Variants in RNF180 observed in about 807,000 individuals in gnomAD.
The protein encoded by RNF180 is E3 ubiquitin-protein ligase RNF180.
A neutral mutation model predicts 59.2 loss-of-function variants in RNF180; 38 were observed. The ratio of observed to expected loss-of-function variants is 0.64; its 90% CI spans 0.50 to 0.84. RNF180 has a LOEUF of 0.84. Among genes scored for constraint, RNF180 ranks in the 40% least tolerant of loss-of-function variants. The probability of loss-of-function intolerance (pLI) is 0.00; values close to 1 mark genes in which losing one functional copy is unlikely to be tolerated. For synonymous variants in RNF180, 262 were observed against 240.3 expected (o/e 1.09, Z -0.84); for missense variants, 705 against 700.9 (o/e 1.01, Z -0.07).
At chr5:64,329,399 A>C (rs1333277453) in intron 6 of RNF180, among the ~76,000 whole-genome samples, 1 of 151,728 alleles carries the variant, frequency 6.6e-6, no homozygotes, top group African/African-American at 2.4e-5. Flanking sequence ...TGGTTTCAGG[A>C]TGAAACTTTT....
chr5:64,236,209 G>C (rs1019290197), intron 5 of RNF180, among the ~76,000 whole-genome samples: 1 of 152,230 alleles, frequency 6.6e-6, no homozygotes, highest in Non-Finnish European at 1.5e-5. Context: ...GGCTAAGGCT[G>C]AGTTGGTCTC....
chr5:64,322,844 AG>A (rs1744440772), intron 5 of RNF180, among the ~76,000 whole-genome samples: 1 of 152,092 alleles, frequency 6.6e-6, no homozygotes, highest in South Asian at 2.1e-4. Flanking sequence ...CCAGGGGGAA[AG>A]GGGGAAGGGA....
intron 1 of RNF180, among the ~76,000 whole-genome samples, chr5:64,182,888 A>G (rs149645428): frequency 1.3e-5 from 2 of 152,326 alleles, no homozygotes; most frequent in East Asian, 3.9e-4. Flanking sequence ...TAGAATGGCT[A>G]AAGGAGAGTA....
chr5:64,213,026 A>C (rs1006819849), intron 3 of RNF180, among the ~76,000 whole-genome samples: 1 of 152,208 alleles, frequency 6.6e-6, no homozygotes, highest in African/African-American at 2.4e-5. Context: ...GTTCATTATT[A>C]ATTTCCAATC....
intron 5 of RNF180, among the ~76,000 whole-genome samples, chr5:64,316,460 A>G (rs910130149): frequency 1.3e-5 from 2 of 152,202 alleles, no homozygotes; most frequent in African/African-American, 4.8e-5. Flanking sequence ...GCTTAATTGC[A>G]GAGGACAATG....
At chr5:64,322,602 C>CATGTGT (rs3221373) in intron 5 of RNF180, among the ~76,000 whole-genome samples, 2 of 143,428 alleles carry the variant, frequency 1.4e-5, no homozygotes, top group Admixed American at 7.0e-5. Context: ...TATATATATA[C>CATGTGT]GTGTGTGTGT....
At chr5:64,234,390 C>T (rs999741206) in intron 5 of RNF180, among the ~76,000 whole-genome samples, 3 of 151,522 alleles carry the variant, frequency 2.0e-5, no homozygotes, top group Admixed American at 6.6e-5. Flanking sequence ...CGCGTGAACC[C>T]GGGAGGCAGA....
At chr5:64,179,606 G>A (rs1750458416) in intron 1 of RNF180, among the ~76,000 whole-genome samples, 1 of 151,808 alleles carries the variant, frequency 6.6e-6, no homozygotes, top group South Asian at 2.1e-4. Flanking sequence ...ACTTTTCATT[G>A]CTATATAGTA....
At chr5:64,256,685 G>A (rs933087698) in intron 5 of RNF180, among the ~76,000 whole-genome samples, 1 of 152,142 alleles carries the variant, frequency 6.6e-6, no homozygotes, top group African/African-American at 2.4e-5. Context: ...GGCAATGTGG[G>A]CTCTTTTTTG....
At chr5:64,330,485 CAG>C (rs758127942) in intron 7 of RNF180, 79 bp downstream of exon 7, 10 of 1,275,574 alleles carry the variant, frequency 7.8e-6, no homozygotes, top group Non-Finnish European at 1.1e-5. Context: ...CCTGCTGTCT[CAG>C]AAATATTAGG....
intron 1 of RNF180, among the ~76,000 whole-genome samples, chr5:64,186,291 A>G (rs1750871432): frequency 6.6e-6 from 1 of 152,144 alleles, no homozygotes; most frequent in South Asian, 2.1e-4. Flanking sequence ...GGCAAATCAG[A>G]CAAATACTTA....
intron 5 of RNF180, among the ~76,000 whole-genome samples, chr5:64,272,589 GA>G (rs950905132): frequency 6.6e-6 from 1 of 151,792 alleles, no homozygotes; most frequent in African/African-American, 2.4e-5. Context: ...ATGACAGTTT[GA>G]AAAAAAGCAT....
chr5:64,179,511 CTG>C (rs1296599612), intron 1 of RNF180, among the ~76,000 whole-genome samples: 2 of 152,036 alleles, frequency 1.3e-5, no homozygotes, highest in African/African-American at 4.8e-5. Flanking sequence ...TCTTACTGTG[CTG>C]TGTTATTCTT....
chr5:64,171,226 G>A (rs1418258221), intron 1 of RNF180, among the ~76,000 whole-genome samples: 1 of 152,140 alleles, frequency 6.6e-6, no homozygotes, highest in Non-Finnish European at 1.5e-5. Flanking sequence ...CCTTACCAGA[G>A]GACTGAGGGG....
chr5:64,177,640 G>T lies in RNF180; in HGVS notation c.-1+11687G>T, dbSNP rs573182017. On this transcript the variant is annotated intron_variant, in intron 1 of 7. Transcript: ENST00000389100. ...ATAGCAGTATATGTCAGCTTATAAG[G>T]TTAGATCTACAGAAGAAATTTATTA... Among the ~76,000 whole-genome samples the T allele has an allele frequency of 6.7e-5, 10 of 148,366 alleles. No individual in the cohort carries two copies. The South Asian group carries it at 2.1e-3, about 32-fold the overall frequency.
intron 5 of RNF180, among the ~76,000 whole-genome samples, chr5:64,255,114 T>C: frequency 6.6e-6 from 1 of 152,316 alleles, no homozygotes; most frequent in Admixed American, 6.5e-5. Context: ...TTAAAAAAAT[T>C]ATTAAACCAT....
chr5:64,307,021 G>A (rs1272006191), intron 5 of RNF180, among the ~76,000 whole-genome samples: 2 of 151,054 alleles, frequency 1.3e-5, no homozygotes, highest in Non-Finnish European at 3.0e-5. Flanking sequence ...AAAAAGATGT[G>A]ACCATAAAAT....
intron 5 of RNF180, among the ~76,000 whole-genome samples, chr5:64,248,438 G>A (rs1380941080): frequency 1.3e-5 from 2 of 152,126 alleles, no homozygotes; most frequent in African/African-American, 2.4e-5. Flanking sequence ...CAAAAAGCAG[G>A]CAAAGGCTTT....
intron 4 of RNF180, among the ~76,000 whole-genome samples, chr5:64,216,479 T>C (rs949433072): frequency 2.0e-5 from 3 of 152,136 alleles, no homozygotes; most frequent in Non-Finnish European, 2.9e-5. Context: ...AAACATACAA[T>C]ATGTAAAGTA....
Sources: allele counts gnomAD v4.1 joint callset (sites outside exome capture counted in the v4.1 genomes callset), GRCh38; gene constraint gnomAD v4.1.1; transcripts MANE v1.5; gene names NCBI Gene and HGNC (gene_info 2026-07-23, HGNC 2026-07-21).